Variants in SRPK2 observed in about 807,000 individuals in gnomAD.
SRPK2 encodes SRSF protein kinase 2.
SRPK2 carries 21 observed loss-of-function variants against 90.8 expected under a neutral mutation model. The observed-to-expected ratio is 0.23, with a 90% CI of 0.16 to 0.33. The LOEUF is 0.33. Among genes scored for constraint, SRPK2 ranks in the 10% least tolerant of loss-of-function variants. SRPK2 has a pLI of 1.00. For synonymous variants in SRPK2, 288 were observed against 311.1 expected, an observed-to-expected ratio of 0.93 and a Z score of 0.78; for missense variants, 620 against 869.0, an observed-to-expected ratio of 0.71 and a Z score of 3.60.
chr7:105,372,744 A>G (rs1015904194), intron 2 of SRPK2, among the ~76,000 whole-genome samples: 25 of 152,162 alleles, frequency 1.6e-4, no homozygotes, highest in African/African-American at 5.8e-4. Flanking sequence ...TTATTTGAAT[A>G]TATGTAATAA....
At chr7:105,231,381 T>C (rs1585269353) in intron 2 of SRPK2, among the ~76,000 whole-genome samples, 2 of 152,314 alleles carry the variant, frequency 1.3e-5, no homozygotes, top group South Asian at 2.1e-4. Flanking sequence ...AACATCCACA[T>C]GAATGCGTCT....
intron 3 of SRPK2, among the ~76,000 whole-genome samples, chr7:105,193,589 T>C (rs1267906313): frequency 1.3e-5 from 2 of 152,216 alleles, no homozygotes; most frequent in South Asian, 2.1e-4. Flanking sequence ...AGTACTTTGA[T>C]GGGAATTGCA....
intron 2 of SRPK2, among the ~76,000 whole-genome samples, chr7:105,271,922 C>A (rs186274462): frequency 2.0e-4 from 30 of 152,256 alleles, no homozygotes; most frequent in African/African-American, 6.7e-4. Context: ...AACTTAGAAA[C>A]AAACTTAGAA....
intron 2 of SRPK2, chr7:105,297,409 A>G: frequency 1.0e-6 from 1 of 954,558 alleles, no homozygotes; most frequent in Non-Finnish European, 1.2e-6. Context: ...TATAAATTGT[A>G]CTTAATGTTA....
At chr7:105,245,671 T>C (rs1181374607) in intron 2 of SRPK2, among the ~76,000 whole-genome samples, 1 of 151,880 alleles carries the variant, frequency 6.6e-6, no homozygotes, top group Non-Finnish European at 1.5e-5. Flanking sequence ...CGGGGGAAAA[T>C]GAGGAGATAA....
chr7:105,361,267 G>C (rs1453226707), intron 2 of SRPK2, among the ~76,000 whole-genome samples: 1 of 152,076 alleles, frequency 6.6e-6, no homozygotes, highest in East Asian at 1.9e-4. Flanking sequence ...CAACTTACAA[G>C]GGATGTGAAG....
chr7:105,395,542 C>T (rs1446294745), intron 1 of SRPK2, among the ~76,000 whole-genome samples: 2 of 152,018 alleles, frequency 1.3e-5, no homozygotes, highest in African/African-American at 4.8e-5. Flanking sequence ...TCAGCCCGGA[C>T]AACATGGTGA....
chr7:105,355,505 T>A (rs1168844742), intron 2 of SRPK2, among the ~76,000 whole-genome samples: 1 of 151,844 alleles, frequency 6.6e-6, no homozygotes, highest in Non-Finnish European at 1.5e-5. Flanking sequence ...TTTTAAAAAA[T>A]TAGCCAGGCA....
At chr7:105,246,448 AGACAGCTG>A (rs1417914358) in intron 2 of SRPK2, among the ~76,000 whole-genome samples, 1 of 152,262 alleles carries the variant, frequency 6.6e-6, no homozygotes, top group Non-Finnish European at 1.5e-5. Flanking sequence ...GATGTAAAGT[AGACAGCTG>A]GACATATAGA....
At chr7:105,374,952 G>T (rs1488230514) in intron 2 of SRPK2, among the ~76,000 whole-genome samples, 2 of 151,878 alleles carry the variant, frequency 1.3e-5, no homozygotes, top group Non-Finnish European at 2.9e-5. Flanking sequence ...AAGGAAAGCA[G>T]GATACAAAAT....
intron 2 of SRPK2, among the ~76,000 whole-genome samples, chr7:105,386,244 G>A (rs1449399961): frequency 1.3e-5 from 2 of 150,964 alleles, no homozygotes; most frequent in African/African-American, 2.4e-5. Flanking sequence ...AATTCGGGAG[G>A]CGGAGCTTGC....
chr7:105,343,469 T>C (rs1375389651), intron 2 of SRPK2, among the ~76,000 whole-genome samples: 2 of 152,110 alleles, frequency 1.3e-5, no homozygotes, highest in African/African-American at 4.8e-5. Context: ...ATTATTAAGA[T>C]AAACAGTACT....
chr7:105,174,957 A>G (rs1791640299), intron 3 of SRPK2, among the ~76,000 whole-genome samples: 1 of 152,104 alleles, frequency 6.6e-6, no homozygotes, highest in Non-Finnish European at 1.5e-5. Flanking sequence ...CAGCCTGGCT[A>G]ATGTGACAAA....
At chr7:105,138,452 T>G (rs1481055390) in intron 11 of SRPK2, among the ~76,000 whole-genome samples, 84 of 152,060 alleles carry the variant, frequency 5.5e-4, no homozygotes, top group Non-Finnish European at 1.5e-5. Context: ...ATCAGGAAAA[T>G]TTAAAAAGAA....
intron 2 of SRPK2, chr7:105,268,847 C>G: frequency 6.3e-7 from 1 of 1,593,572 alleles, no homozygotes; most frequent in Non-Finnish European, 8.6e-7. Context: ...CTGACATCAG[C>G]AGCTCAATCT....
chr7:105,121,026 C>CT (rs1208809836), intron 15 of SRPK2, among the ~76,000 whole-genome samples: 5 of 152,146 alleles, frequency 3.3e-5, no homozygotes, highest in Non-Finnish European at 7.4e-5. Context: ...TTTGCTCTTA[C>CT]TATAAAAGTA....
At chr7:105,309,691 T>C (rs999253602) in intron 2 of SRPK2, among the ~76,000 whole-genome samples, 22 of 152,166 alleles carry the variant, frequency 1.4e-4, no homozygotes, top group East Asian at 1.9e-4. Context: ...ATGGAAACCA[T>C]AGAGACTTTC....
chr7:105,119,497 G>T (rs1800024434), intron 15 of SRPK2, among the ~76,000 whole-genome samples: 1 of 152,244 alleles, frequency 6.6e-6, no homozygotes, highest in South Asian at 2.1e-4. Flanking sequence ...ACAGGGTTCC[G>T]TATAAAGAAT....
chr7:105,218,015 C>A (rs1161919413), intron 2 of SRPK2, among the ~76,000 whole-genome samples: 1 of 152,072 alleles, frequency 6.6e-6, no homozygotes, highest in Non-Finnish European at 1.5e-5. Flanking sequence ...ATTGAAGAGG[C>A]CTATGACGAA....
Sources: allele counts gnomAD v4.1 joint callset (sites outside exome capture counted in the v4.1 genomes callset), GRCh38; gene constraint gnomAD v4.1.1; transcripts MANE v1.5; gene names NCBI Gene and HGNC (gene_info 2026-07-23, HGNC 2026-07-21).